Variants in LOXHD1 observed in about 807,000 individuals in gnomAD.
LOXHD1 encodes lipoxygenase homology PLAT domains 1.
Under a neutral mutation model 248.2 loss-of-function variants are expected in LOXHD1, and 205 were observed. The ratio of observed to expected loss-of-function variants is 0.83; its 90% CI spans 0.74 to 0.93. The LOEUF (loss-of-function observed/expected upper bound fraction) is 0.93, where lower values mean the gene tolerates loss of function less well. Ranked by LOEUF, LOXHD1 falls within the 40% of genes least tolerant of loss-of-function variation. LOXHD1 has a pLI of 0.00. For synonymous variants in LOXHD1, 1,113 were observed against 1,162.8 expected, an observed-to-expected ratio of 0.96 and a Z score of 0.87; for missense variants, 2,930 against 2,971.6, an observed-to-expected ratio of 0.99 and a Z score of 0.33.
chr18:46,569,654 C>A lies in LOXHD1; in HGVS notation c.2048-16G>T. On this transcript the variant is annotated splice_polypyrimidine_tract_variant and intron_variant, in intron 15 of 40. Transcript: ENST00000642948. ...TAGCGAAAGTCTGAACAGCCCAAGG[C>A]AGAGGGAGGAAGGGAAGGGGTTAGT... 1 of 1,542,002 alleles carries A rather than the reference C, an allele frequency of 6.5e-7. No homozygotes were observed. Among genetic ancestry groups the A allele is most frequent in the Non-Finnish European group, 8.8e-7 (1 of 1,139,168 alleles).
chr18:46,507,148 C>A (rs746460755), intron 36 of LOXHD1, among the ~76,000 whole-genome samples: 2 of 152,230 alleles, frequency 1.3e-5, no homozygotes, highest in Non-Finnish European at 2.9e-5. Context: ...CTAAGACCCA[C>A]AGCCAAAGCC....
At chr18:46,560,052 T>TCAC in intron 19 of LOXHD1, 31 bp downstream of exon 19, 1 of 441,130 alleles carries the variant, frequency 2.3e-6, no homozygotes, top group Non-Finnish European at 3.6e-6. Context: ...GGCCACTCCC[T>TCAC]CCCCACCCCC....
chr18:46,610,211 G>A (rs1442664160), intron 6 of LOXHD1, among the ~76,000 whole-genome samples: 1 of 152,112 alleles, frequency 6.6e-6, no homozygotes, highest in East Asian at 1.9e-4. Context: ...TGAAAGTACT[G>A]GGCTTCCTGT....
intron 34 of LOXHD1, among the ~76,000 whole-genome samples, chr18:46,511,178 C>T (rs1426480386): frequency 6.6e-6 from 1 of 152,176 alleles, no homozygotes; most frequent in African/African-American, 2.4e-5. Flanking sequence ...CCCTTCATTC[C>T]AGGCTGAACC....
chr18:46,497,410 T>C (rs1313113250), intron 37 of LOXHD1, among the ~76,000 whole-genome samples: 1 of 152,122 alleles, frequency 6.6e-6, no homozygotes, highest in Non-Finnish European at 1.5e-5. Flanking sequence ...CGTTTTTGCA[T>C]AGTAGAAAAA....
chr18:46,488,595 C>T (rs763797907), intron 38 of LOXHD1, among the ~76,000 whole-genome samples: 26 of 152,142 alleles, frequency 1.7e-4, no homozygotes, highest in South Asian at 4.1e-4. Context: ...TACTGGCTTC[C>T]CCTGCATTCT....
chr18:46,527,042 T>C (rs2144196269), intron 29 of LOXHD1, among the ~76,000 whole-genome samples: 1 of 151,372 alleles, frequency 6.6e-6, no homozygotes, highest in Admixed American at 6.6e-5. Context: ...GCTCCCCTGA[T>C]GGGGCGTCAA....
chr18:46,563,105 C>T lies in LOXHD1; in HGVS notation c.2558G>A (p.Arg853His), dbSNP rs763244762. The T allele has an allele frequency of 2.3e-5, 36 of 1,545,120 alleles. No homozygotes were observed. The highest frequency in any genetic ancestry group is 2.6e-5 in the Non-Finnish European group (30 of 1,141,630). The change falls in exon 18 of 41, where the codon CGC becomes CAC. Residue 853 changes from arginine (R) to histidine (H), a missense_variant. Physicochemically the swap from Arg to His is conservative, Grantham distance 29. Transcript: ENST00000642948. ...GGACGCCCGTTCAAAAACTTTTGAG[C>T]GGCTGGAGAGGAAGAGCACTTCTGT... The part of the protein sequence containing the change: ...GKTEVLFLSS[R>H]SKVFERASKD...
In LOXHD1 at chr18:46,542,738, T is replaced by C; in HGVS notation, c.3737A>G (p.His1246Arg). 1.3e-6 allele frequency: 2 copies of C among 1,551,686 alleles called. No individual in the cohort carries two copies. Among genetic ancestry groups the C allele is most frequent in the South Asian group, 1.2e-5 (1 of 84,052 alleles). ...GAGGGAAGCCACACCTGTGTTGTCA[T>C]GGCCAAGCCGGACTTTCCACAGGTC... ...LGDLWKVRLG[H>R]DNTGKAPGWF... The change falls in exon 24 of 41, where the codon CAT becomes CGT. Residue 1246 changes from histidine to arginine, a missense_variant. Transcript: ENST00000642948.
At chr18:46,570,533 C>T (rs1291213535) in intron 15 of LOXHD1, among the ~76,000 whole-genome samples, 1 of 152,244 alleles carries the variant, frequency 6.6e-6, no homozygotes, top group Non-Finnish European at 1.5e-5. Context: ...TCCAGATCAG[C>T]TCCATTAGTG....
chr18:46,560,044 C>CGCCTGCCGGGG, intron 19 of LOXHD1, 39 bp downstream of exon 19: 3 of 1,245,524 alleles, frequency 2.4e-6, no homozygotes, highest in Non-Finnish European at 3.4e-6. Flanking sequence ...AACTGTCTGG[C>CGCCTGCCGGGG]CACTCCCTCC....
At chr18:46,614,353 A>C (rs2038552824) in intron 5 of LOXHD1, among the ~76,000 whole-genome samples, 1 of 152,242 alleles carries the variant, frequency 6.6e-6, no homozygotes, top group Non-Finnish European at 1.5e-5. Flanking sequence ...GATTAAGAAA[A>C]TGTGGCACAT....
chr18:46,520,102 C>A (rs1021637264), intron 33 of LOXHD1, among the ~76,000 whole-genome samples: 1 of 152,150 alleles, frequency 6.6e-6, no homozygotes, highest in African/African-American at 2.4e-5. Context: ...ATCCGTCTGG[C>A]CACAGATGGA....
At chr18:46,552,057 G>A (rs777362728) in intron 21 of LOXHD1, among the ~76,000 whole-genome samples, 4 of 152,140 alleles carry the variant, frequency 2.6e-5, no homozygotes, top group Non-Finnish European at 5.9e-5. Context: ...GGAGGAGGTG[G>A]AAAAGGGAAG....
intron 21 of LOXHD1, 65 bp downstream of exon 21, chr18:46,557,291 C>A: frequency 6.6e-7 from 1 of 1,518,970 alleles, no homozygotes. Flanking sequence ...TCCAGGACTA[C>A]CTCTGTGGCA....
chr18:46,501,231 G>C (rs531711754), intron 37 of LOXHD1, among the ~76,000 whole-genome samples: 1 of 152,340 alleles, frequency 6.6e-6, no homozygotes, highest in East Asian at 1.9e-4. Flanking sequence ...GACATATGCA[G>C]AGTGGCAAAA....
rs528790246 is a variant in LOXHD1, at chr18:46,555,449, T to G, written c.3350+1907A>C. On this transcript the variant is annotated intron_variant, in intron 21 of 40. Transcript: ENST00000642948. Reference sequence around the variant, plus strand: ...GAAAACCATGACAATGGGCTGTCTGTGAGCTGTGGTTCAGTGTTCCCTCGG... The same window carrying G: ...GAAAACCATGACAATGGGCTGTCTGGGAGCTGTGGTTCAGTGTTCCCTCGG... 1.6e-3 allele frequency: 286 copies of G among 183,112 alleles called. 1 individual carries two copies. Among genetic ancestry groups the G allele is most frequent in the African/African-American group, 7.5e-3 (280 of 37,220 alleles). 11.3% of individuals were successfully genotyped at this position (183,112 alleles called of 1,614,324 possible).
chr18:46,492,738 C>G (rs985837490), intron 37 of LOXHD1, among the ~76,000 whole-genome samples: 3 of 152,202 alleles, frequency 2.0e-5, no homozygotes, highest in Non-Finnish European at 4.4e-5. Context: ...ACACTCTACA[C>G]TATTGACACC....
At chr18:46,620,070 G>A (rs1471394) in intron 4 of LOXHD1, among the ~76,000 whole-genome samples, 27,895 of 152,082 alleles carry the variant, frequency 0.18, 2,970 homozygotes, top group East Asian at 0.43. Flanking sequence ...GGTGTTAAAC[G>A]GGCAGATTCC....
Sources: gnomAD v4.1 joint callset for allele counts (sites outside exome capture counted in the v4.1 genomes callset) on GRCh38, gnomAD v4.1.1 for gene constraint, MANE v1.5 for transcripts, NCBI Gene and HGNC (gene_info 2026-07-23, HGNC 2026-07-21) for gene names.